RELN: variants seen among roughly 807,000 people sequenced by gnomAD.
RELN encodes reelin.
In RELN, 108 loss-of-function variants were observed where a neutral mutation model predicts 427.6. That is an observed-to-expected ratio of 0.25 (90% CI 0.22 to 0.30). The LOEUF (loss-of-function observed/expected upper bound fraction) is 0.30, where lower values mean the gene tolerates loss of function less well. Ranked by LOEUF, RELN falls within the 10% of genes least tolerant of loss-of-function variation. RELN has a pLI of 1.00. For synonymous variants in RELN, 1,524 were observed against 1,513.4 expected (o/e 1.01, Z -0.16); for missense variants, 3,715 against 4,302.8 (o/e 0.86, Z 3.82).
At chr7:103,855,216 G>A (rs1236986728) in intron 2 of RELN, among the ~76,000 whole-genome samples, 1 of 152,226 alleles carries the variant, frequency 6.6e-6, no homozygotes, top group African/African-American at 2.4e-5. Flanking sequence ...AAGCGGAAAA[G>A]TGCTGTTCCC....
chr7:103,514,189 T>C (rs746169329), intron 50 of RELN, among the ~76,000 whole-genome samples: 9 of 152,192 alleles, frequency 5.9e-5, no homozygotes, highest in Non-Finnish European at 8.8e-5. Flanking sequence ...TCTTTACTAT[T>C]TAGATACATG....
intron 3 of RELN, among the ~76,000 whole-genome samples, chr7:103,810,961 G>T (rs538805927): frequency 6.6e-6 from 1 of 152,202 alleles, no homozygotes; most frequent in African/African-American, 2.4e-5. Context: ...AGATAACCAG[G>T]TCCATTTTCC....
chr7:103,989,196 T>C lies in RELN; in HGVS notation c.161A>G (p.Glu54Gly), dbSNP rs1797169331. The change falls in exon 1 of 65, where the codon GAG becomes GGG. Residue 54 changes from glutamate to glycine, a missense_variant. By Grantham distance (98) the Glu-to-Gly change is moderately conservative. Coordinates refer to ENST00000428762, the MANE Select transcript of RELN (RefSeq NM_005045.4). The surrounding 1 kb of genome is among the most constrained non-coding windows in gnomAD (Gnocchi z 4.9). ...GELEGDGEQG[E>G]VLISLHIAGN... The stretch of plus-strand genomic sequence containing the variant: ...CGCAATATGCAGGGAAATGAGCACC[T>C]CGCCCTGCTCCCCATCCCCTTCCAG... 1 of 1,613,956 alleles carries C rather than the reference T, an allele frequency of 6.2e-7. No individual in the cohort carries two copies. Among genetic ancestry groups the C allele is most frequent in the Non-Finnish European group, 8.5e-7 (1 of 1,179,998 alleles).
chr7:103,808,550 G>GA (rs565407741), intron 3 of RELN, among the ~76,000 whole-genome samples: 13,465 of 146,614 alleles, frequency 0.092, 757 homozygotes, highest in Non-Finnish European at 0.13. Flanking sequence ...AAACAGCAAG[G>GA]AAAAAAAAAT....
intron 1 of RELN, among the ~76,000 whole-genome samples, chr7:103,929,883 C>T (rs78304915): frequency 0.03 from 4,515 of 152,290 alleles, 214 homozygotes; most frequent in African/African-American, 0.1. Context: ...CTGCTCTGCA[C>T]GTGTCTGCAA....
chr7:103,579,322 G>A (rs1016765439), intron 28 of RELN, among the ~76,000 whole-genome samples: 8 of 152,216 alleles, frequency 5.3e-5, no homozygotes, highest in African/African-American at 1.9e-4. Context: ...TCATAGGCCA[G>A]GCGCAGTGGC....
intron 2 of RELN, among the ~76,000 whole-genome samples, chr7:103,852,166 G>T (rs1270096100): frequency 6.6e-6 from 1 of 152,148 alleles, no homozygotes; most frequent in South Asian, 2.1e-4. Flanking sequence ...CTTGGGAGAA[G>T]TGTTTTGGTC....
chr7:103,614,973 C>G (rs1034445734), intron 20 of RELN, among the ~76,000 whole-genome samples: 9 of 152,088 alleles, frequency 5.9e-5, no homozygotes, highest in Middle Eastern at 3.2e-3. Context: ...ACTTACAAAA[C>G]TGCTCCTCTT....
chr7:103,732,191 A>G (rs1251547781), intron 6 of RELN, among the ~76,000 whole-genome samples: 2 of 152,120 alleles, frequency 1.3e-5, no homozygotes, highest in Non-Finnish European at 2.9e-5. Context: ...ATGGGAGTGT[A>G]TATCTTTAGG....
chr7:103,707,123 G>A (rs1000846246), intron 8 of RELN, among the ~76,000 whole-genome samples: 1 of 152,056 alleles, frequency 6.6e-6, no homozygotes, highest in Non-Finnish European at 1.5e-5. Flanking sequence ...ACAAGTGTGA[G>A]CCACCATACC....
intron 43 of RELN, among the ~76,000 whole-genome samples, chr7:103,541,652 T>A (rs1403141722): frequency 6.6e-6 from 1 of 152,212 alleles, no homozygotes; most frequent in Admixed American, 6.5e-5. Flanking sequence ...TACAGAGAAA[T>A]ACTTTTAGTA....
intron 3 of RELN, among the ~76,000 whole-genome samples, chr7:103,787,165 A>C (rs956411309): frequency 6.6e-6 from 1 of 152,160 alleles, no homozygotes; most frequent in African/African-American, 2.4e-5. Flanking sequence ...ACAAAGACAC[A>C]ACATACTAGA....
At chr7:103,541,969 A>T (rs139499498) in intron 43 of RELN, among the ~76,000 whole-genome samples, 4 of 152,364 alleles carry the variant, frequency 2.6e-5, no homozygotes, top group African/African-American at 9.6e-5. Context: ...GTATTCTAAG[A>T]TACTCTGAAA....
intron 3 of RELN, among the ~76,000 whole-genome samples, chr7:103,780,031 C>A (rs1791847337): frequency 6.6e-6 from 1 of 152,180 alleles, no homozygotes; most frequent in Non-Finnish European, 1.5e-5. Context: ...CGGCCCAGGG[C>A]CTGATCTTTA....
chr7:103,906,041 T>C (rs1795197567), intron 2 of RELN, among the ~76,000 whole-genome samples: 2 of 152,010 alleles, frequency 1.3e-5, no homozygotes, highest in African/African-American at 4.8e-5. Flanking sequence ...TGAAGCTGTG[T>C]GTGGGTTATT....
chr7:103,606,117 T>C (rs528728739), intron 22 of RELN, among the ~76,000 whole-genome samples: 47 of 152,326 alleles, frequency 3.1e-4, no homozygotes, highest in South Asian at 4.1e-4. Flanking sequence ...ATAAGACTTA[T>C]GCACCTTGTC....
At chr7:103,883,368 G>A (rs554312063) in intron 2 of RELN, among the ~76,000 whole-genome samples, 9 of 152,242 alleles carry the variant, frequency 5.9e-5, no homozygotes, top group African/African-American at 9.6e-5. Context: ...TTTGAAAACC[G>A]GCGCAAGACA....
intron 8 of RELN, 52 bp downstream of exon 8, chr7:103,723,088 T>G: frequency 8.5e-7 from 1 of 1,171,002 alleles, no homozygotes; most frequent in Non-Finnish European, 1.3e-6. Flanking sequence ...CACACTATGT[T>G]TAAAGCAAAC....
intron 64 of RELN, among the ~76,000 whole-genome samples, chr7:103,474,131 G>A (rs61136369): frequency 0.067 from 10,143 of 152,012 alleles, 422 homozygotes; most frequent in African/African-American, 0.098. Flanking sequence ...TATTATACTA[G>A]CACTTGTAAA....
Sources: allele counts gnomAD v4.1 joint callset (sites outside exome capture counted in the v4.1 genomes callset), GRCh38; gene constraint gnomAD v4.1.1; non-coding constraint Gnocchi (gnomAD v3.1); transcripts MANE v1.5; gene names NCBI Gene and HGNC (gene_info 2026-07-23, HGNC 2026-07-21).